XKR5: variants seen among roughly 807,000 people sequenced by gnomAD.
The protein encoded by XKR5 is XK related 5.
In XKR5, 46 loss-of-function variants were observed where a neutral mutation model predicts 40.8. That is an observed-to-expected ratio of 1.13 (90% confidence interval 0.89 to 1.44). The LOEUF is 1.44. Ranked by LOEUF, XKR5 falls within the 40% of genes most tolerant of loss-of-function variation. XKR5 has a pLI of 0.00. For missense variants in XKR5, 1,169 were observed against 844.7 expected, an observed-to-expected ratio of 1.38 and a Z score of -4.76; for synonymous variants, 466 against 356.1, an observed-to-expected ratio of 1.31 and a Z score of -3.48.
At chr8:6,814,985 CAG>C (rs1407363205) in intron 6 of XKR5, among the ~76,000 whole-genome samples, 2 of 152,186 alleles carry the variant, frequency 1.3e-5, no homozygotes, top group Non-Finnish European at 2.9e-5. Flanking sequence ...GTGTGGGTGA[CAG>C]AGAGCAGGCT....
Position 6,811,626 on chromosome 8 carries a change from T to C in XKR5, c.1633A>G (p.Ser545Gly). The change falls in exon 7 of 7, where the codon AGC becomes GGC. Residue 545 changes from serine to glycine, a missense_variant. By Grantham distance (56) the Ser-to-Gly change is moderately conservative. Transcript: ENST00000618742. Reference sequence around the variant, plus strand: ...GATGTGGCCACTTCTGCAGTGGCGCTGAAGTACAACGTGGAACTCTGCTGT... The same window carrying C: ...GATGTGGCCACTTCTGCAGTGGCGCCGAAGTACAACGTGGAACTCTGCTGT... ...EGQQSSTLYFSATAEVATSSQ... is the reference protein window; with the variant it reads ...EGQQSSTLYFGATAEVATSSQ... The C allele has an allele frequency of 1.3e-6, 2 of 1,537,470 alleles. No individual in the cohort carries two copies. The highest frequency in any genetic ancestry group is 2.4e-5 in the South Asian group (2 of 84,054).
intron 6 of XKR5, among the ~76,000 whole-genome samples, chr8:6,815,524 C>T (rs1259609576): frequency 2.0e-5 from 3 of 152,084 alleles, no homozygotes; most frequent in Non-Finnish European, 2.9e-5. Context: ...GTCACGTCCT[C>T]AACCCTGCAG....
chr8:6,813,556 T>C (rs976659321), intron 6 of XKR5, among the ~76,000 whole-genome samples: 2 of 152,202 alleles, frequency 1.3e-5, no homozygotes, highest in Non-Finnish European at 2.9e-5. Flanking sequence ...GGATGCAAGC[T>C]TGTGCTCCTT....
chr8:6,824,789 C>G (rs1162388294), intron 3 of XKR5, among the ~76,000 whole-genome samples: 2 of 152,174 alleles, frequency 1.3e-5, no homozygotes, highest in African/African-American at 4.8e-5. Flanking sequence ...TCCCAAAGTG[C>G]TGGGACTACA....
chr8:6,812,550 A>C (rs1227201864), intron 6 of XKR5, among the ~76,000 whole-genome samples: 2 of 152,244 alleles, frequency 1.3e-5, no homozygotes, highest in African/African-American at 2.4e-5. Flanking sequence ...AAAGTTAAAC[A>C]TGAATAACAA....
At chr8:6,823,941 G>C (rs567333841) in intron 3 of XKR5, among the ~76,000 whole-genome samples, 6 of 152,302 alleles carry the variant, frequency 3.9e-5, no homozygotes, top group African/African-American at 1.4e-4. Context: ...AGGAAGAAAT[G>C]GGGATATGCA....
chr8:6,832,480 C>G (rs568831736), intron 2 of XKR5, among the ~76,000 whole-genome samples: 1 of 152,296 alleles, frequency 6.6e-6, no homozygotes, highest in Middle Eastern at 3.4e-3. Context: ...AAGAAAAAGC[C>G]TTTCGTAAGG....
chr8:6,811,248 C>T lies in XKR5; in HGVS notation c.2011G>A (p.Asp671Asn), dbSNP rs753409734. 3.3e-6 allele frequency: 5 copies of T among 1,537,286 alleles called. No individual in the cohort carries two copies. The highest frequency in any genetic ancestry group is 1.7e-6 in the Non-Finnish European group (2 of 1,146,924). Residue 671 changes from aspartate (D) to asparagine (N), a missense_variant, in exon 7 of 7, where the codon GAC becomes AAC. Transcript: ENST00000618742. ...STPKSESIQT[D>N]CSCREQMKQE... ...TTCATCTGTTCCCTGCAGCTGCAGT[C>T]CGTTTGGATAGACTCAGACTTAGGG...
chr8:6,831,569 C>G (rs958386730), intron 2 of XKR5, among the ~76,000 whole-genome samples: 1 of 152,160 alleles, frequency 6.6e-6, no homozygotes, highest in Non-Finnish European at 1.5e-5. Flanking sequence ...CGGAGAAAGT[C>G]TTGGGAATAG....
chr8:6,823,198 T>G (rs1011636085), intron 4 of XKR5, among the ~76,000 whole-genome samples: 1 of 152,204 alleles, frequency 6.6e-6, no homozygotes, highest in African/African-American at 2.4e-5. Flanking sequence ...GAATCTGGGC[T>G]GGTTGTGCTT....
At chr8:6,829,641 G>C (rs1214817838) in intron 2 of XKR5, among the ~76,000 whole-genome samples, 1 of 152,122 alleles carries the variant, frequency 6.6e-6, no homozygotes, top group South Asian at 2.1e-4. Flanking sequence ...TCAGTCTCCT[G>C]AGTAGGTGGC....
intron 2 of XKR5, chr8:6,829,373 T>A (rs1008222010): frequency 3.6e-5 from 6 of 168,210 alleles, no homozygotes; most frequent in Non-Finnish European, 8.8e-5. Flanking sequence ...AAAACCTAAG[T>A]AGAAGAAAGT....
intron 5 of XKR5, among the ~76,000 whole-genome samples, chr8:6,821,117 C>T (rs550085093): frequency 3.3e-5 from 5 of 152,176 alleles, no homozygotes; most frequent in Non-Finnish European, 5.9e-5. Context: ...AAATTCTTGG[C>T]TGAAGCCAGC....
At chr8:6,835,308 C>G (rs950096472) in intron 1 of XKR5, 128 bp downstream of exon 1, 5 of 986,274 alleles carry the variant, frequency 5.1e-6, no homozygotes, top group Non-Finnish European at 6.8e-6. Context: ...CCGTGCGTCA[C>G]CGGCGCGCAG....
chr8:6,835,453 G>T lies in XKR5; in HGVS notation c.41C>A (p.Ala14Glu), dbSNP rs1288362765. The change falls in exon 1 of 7, where the codon GCG becomes GAG. Residue 14 changes from alanine (A) to glutamate (E), a missense_variant. Physicochemically the swap from Ala to Glu is moderately radical, Grantham distance 107 (BLOSUM62 -1). Coordinates refer to ENST00000618742, the MANE Select transcript of XKR5 (RefSeq NM_207411.5). ...GCACTCACGCGCGCTCTGCTCGGCC[G>T]CCTGCAGCAGGGCCGAGAGCCCCAG... ...RLLGLSALLQ[A>E]AEQSARLYTV... is the part of the protein sequence containing the mutation. 6.7e-7 allele frequency: 1 copy of T among 1,497,234 alleles called. No individual in the cohort carries two copies. The highest frequency in any genetic ancestry group is 8.8e-7 in the Non-Finnish European group (1 of 1,130,586). The allele number at this position is 1,497,234 out of a possible 1,614,324, so 92.7% of individuals were successfully genotyped here.
rs1803596145 is a variant in XKR5, at chr8:6,809,751, T to C, written c.*1447A>G. On this transcript the variant is annotated 3_prime_UTR_variant, in exon 7 of 7. Transcript: ENST00000618742. ...GTATGTGTCAGGCTGAGCTAAGTTA[T>C]TCTACTATTCCTTTTTAGAGCTCTA... The C allele has an allele frequency of 6.6e-6, 1 of 152,202 alleles. No homozygotes were observed. Among genetic ancestry groups the C allele is most frequent in the East Asian group, 1.9e-4 (1 of 5,198 alleles). The allele number at this position is 152,202 out of a possible 1,614,324, so 9.4% of individuals were successfully genotyped here.
At chr8:6,831,590 T>G (rs182256820) in intron 2 of XKR5, among the ~76,000 whole-genome samples, 1 of 152,246 alleles carries the variant, frequency 6.6e-6, no homozygotes, top group East Asian at 1.9e-4. Flanking sequence ...CTTGCAGGCA[T>G]AAACCCCTAG....
intron 5 of XKR5, among the ~76,000 whole-genome samples, chr8:6,821,613 G>T (rs760372393): frequency 1.3e-5 from 2 of 152,304 alleles, no homozygotes; most frequent in South Asian, 4.1e-4. Flanking sequence ...ATGTAGAGAA[G>T]ACATCACCAA....
At chr8:6,818,058 A>T (rs1393409051) in intron 5 of XKR5, among the ~76,000 whole-genome samples, 1 of 152,120 alleles carries the variant, frequency 6.6e-6, no homozygotes, top group Non-Finnish European at 1.5e-5. Flanking sequence ...CCTCTGCACA[A>T]CTTGAAGGTG....
Sources: allele counts gnomAD v4.1 joint callset (sites outside exome capture counted in the v4.1 genomes callset), GRCh38; gene constraint gnomAD v4.1.1; transcripts MANE v1.5; gene names NCBI Gene and HGNC (gene_info 2026-07-23, HGNC 2026-07-21).